The following TNR variants were observed in gnomAD, a reference collection of about 807,000 sequenced individuals.
TNR encodes the protein tenascin R, also known as tenascin-R.
In TNR, 45 loss-of-function variants were observed where a neutral mutation model predicts 150.4. That is an observed-to-expected ratio of 0.30 (90% CI 0.24 to 0.38). The LOEUF is 0.38. Ranked by LOEUF, TNR falls within the 10% of genes least tolerant of loss-of-function variation. The pLI, the probability that TNR is intolerant of heterozygous loss-of-function variation, is 1.00. For missense variants in TNR, 1,544 were observed against 1,759.1 expected (o/e 0.88, Z 2.19); for synonymous variants, 687 against 678.4 (o/e 1.01, Z -0.20).
rs1035058134 is a variant in TNR, at chr1:175,323,106, C to T, written c.*251G>A. The T allele has an allele frequency of 1.6e-5, 6 of 382,562 alleles. No individual in the cohort carries two copies. Among genetic ancestry groups the T allele is most frequent in the Admixed American group, 1.3e-4 (3 of 22,334 alleles). The allele number at this position is 382,562 out of a possible 1,614,324, so 23.7% of individuals were successfully genotyped here. On this transcript the variant is annotated 3_prime_UTR_variant, in exon 23 of 23. Coordinates refer to ENST00000367674, the MANE Select transcript of TNR (RefSeq NM_003285.3). Reference sequence around the variant, plus strand: ...CCTTTAAGAAAACTTCCTACTTCTCCTCCTTGGTGGGAAAGGAGGTGAAGG... The same window carrying T: ...CCTTTAAGAAAACTTCCTACTTCTCTTCCTTGGTGGGAAAGGAGGTGAAGG...
chr1:175,417,075 G>GAAATAAATAAATAAAT (rs1553218323), intron 2 of TNR, among the ~76,000 whole-genome samples: 32 of 138,274 alleles, frequency 2.3e-4, no homozygotes, highest in East Asian at 1.9e-3. Flanking sequence ...AAGAAAGAAA[G>GAAATAAATAAATAAAT]AAATCTAAGA....
At chr1:175,533,087 T>C (rs1660137224) in intron 1 of TNR, among the ~76,000 whole-genome samples, 1 of 152,174 alleles carries the variant, frequency 6.6e-6, no homozygotes, top group African/African-American at 2.4e-5. Context: ...TTGTCAATAA[T>C]GGTAAAGACA....
In TNR at chr1:175,537,553, T is replaced by C. The variant is rs192224999; in HGVS notation, c.-164-9184A>G. The stretch of plus-strand genomic sequence containing the variant: ...GGGACTGACCTGACTGGCCCAGGAA[T>C]CTCTGTCATCTCAGAACAAGTTCAA... On this transcript the variant is annotated intron_variant, in intron 1 of 22. Transcript: ENST00000367674. Among the ~76,000 whole-genome samples the C allele has an allele frequency of 9.4e-4, 143 of 152,300 alleles. 1 individual carries two copies. The highest frequency in any genetic ancestry group is 2.9e-4 in the Non-Finnish European group (20 of 68,024).
intron 20 of TNR, among the ~76,000 whole-genome samples, chr1:175,331,000 T>TCTTC (rs1293937729): frequency 2.0e-4 from 5 of 25,370 alleles, no homozygotes; most frequent in Non-Finnish European, 7.6e-5. Context: ...TCTTGGTGAT[T>TCTTC]CTTTCTTTCT....
chr1:175,420,055 G>A (rs1654683357), intron 2 of TNR, among the ~76,000 whole-genome samples: 1 of 152,168 alleles, frequency 6.6e-6, no homozygotes, highest in Non-Finnish European at 1.5e-5. Context: ...GGCTGGCTGT[G>A]CCCCTTGGCT....
At chr1:175,486,829 G>C (rs754380045) in intron 2 of TNR, among the ~76,000 whole-genome samples, 1 of 152,236 alleles carries the variant, frequency 6.6e-6, no homozygotes, top group Non-Finnish European at 1.5e-5. Flanking sequence ...ACTGGTGTGA[G>C]ATGGTATCTC....
chr1:175,647,779 C>T (rs1046896955), intron 1 of TNR, among the ~76,000 whole-genome samples: 4 of 152,110 alleles, frequency 2.6e-5, no homozygotes, highest in Admixed American at 1.3e-4. Context: ...TGTGGGTCAA[C>T]AATAAGAAGA....
chr1:175,389,937 G>A (rs1194978277), intron 7 of TNR, among the ~76,000 whole-genome samples: 1 of 152,150 alleles, frequency 6.6e-6, no homozygotes, highest in Admixed American at 6.5e-5. Context: ...AGCTTTTTGG[G>A]TGGTAAACTT....
chr1:175,405,455 G>A (rs1428866709), intron 3 of TNR, among the ~76,000 whole-genome samples: 3 of 152,172 alleles, frequency 2.0e-5, no homozygotes, highest in Non-Finnish European at 4.4e-5. Context: ...CTTGCAGAGA[G>A]GTAAAGGTAA....
At chr1:175,384,525 A>G (rs2102029528) in intron 8 of TNR, among the ~76,000 whole-genome samples, 1 of 152,328 alleles carries the variant, frequency 6.6e-6, no homozygotes, top group East Asian at 1.9e-4. Flanking sequence ...CCATTTTGTC[A>G]GTGTCTGTAC....
At chr1:175,684,113 A>G (rs1194573598) in intron 1 of TNR, among the ~76,000 whole-genome samples, 1 of 152,216 alleles carries the variant, frequency 6.6e-6, no homozygotes, top group African/African-American at 2.4e-5. Context: ...GGGTGTGTGC[A>G]TCAGACTGAC....
chr1:175,740,232 G>A (rs1048865590), intron 1 of TNR, among the ~76,000 whole-genome samples: 1 of 152,160 alleles, frequency 6.6e-6, no homozygotes, highest in Non-Finnish European at 1.5e-5. Flanking sequence ...GCAAAATGTA[G>A]CAGCATAAGC....
intron 1 of TNR, among the ~76,000 whole-genome samples, chr1:175,549,241 C>T (rs1660838796): frequency 6.6e-6 from 1 of 152,108 alleles, no homozygotes; most frequent in African/African-American, 2.4e-5. Context: ...TTTTCCTGGG[C>T]CATAACTAAA....
chr1:175,500,338 A>AT (rs1306831998), intron 2 of TNR, among the ~76,000 whole-genome samples: 3 of 151,992 alleles, frequency 2.0e-5, no homozygotes, highest in Admixed American at 2.0e-4. Flanking sequence ...CTCAGTTTCC[A>AT]TTTTTCTTGT....
At position 175,336,818 on chromosome 1, in the gene TNR, G is replaced by T. The variant is rs187631160; in HGVS notation, c.3534+710C>A. Among the ~76,000 whole-genome samples, 4 of 152,328 alleles carry T rather than the reference G, an allele frequency of 2.6e-5. No homozygotes were observed. In the East Asian group the frequency reaches 7.7e-4, roughly 29 times the overall value. On this transcript the variant is annotated intron_variant, in intron 19 of 22. Coordinates refer to ENST00000367674, the MANE Select transcript of TNR (RefSeq NM_003285.3). ...TTCCCAACTGCAATCCTCAATTGGA[G>T]GCTTCTGATCATCTCTCTGTGGTGG...
intron 2 of TNR, among the ~76,000 whole-genome samples, chr1:175,480,624 A>G (rs370306098): frequency 6.6e-6 from 1 of 152,130 alleles, no homozygotes; most frequent in Non-Finnish European, 1.5e-5. Context: ...TTTACATGAC[A>G]TTCATGGCTC....
intron 2 of TNR, among the ~76,000 whole-genome samples, chr1:175,473,754 C>T (rs1571491542): frequency 6.6e-6 from 1 of 152,304 alleles, no homozygotes; most frequent in East Asian, 1.9e-4. Context: ...TATGTGGGAG[C>T]AGCTAACAGA....
intron 1 of TNR, among the ~76,000 whole-genome samples, chr1:175,569,814 T>A (rs1443141923): frequency 1.3e-5 from 2 of 152,168 alleles, no homozygotes; most frequent in Non-Finnish European, 2.9e-5. Flanking sequence ...GCAGGCAGAT[T>A]TACAGGAGAT....
intron 2 of TNR, among the ~76,000 whole-genome samples, chr1:175,488,827 G>T (rs1658122566): frequency 6.6e-6 from 1 of 152,220 alleles, no homozygotes; most frequent in Admixed American, 6.5e-5. Flanking sequence ...GTCCCCGAAG[G>T]GTGGATGGGG....
Sources: gnomAD v4.1 joint callset for allele counts (sites outside exome capture counted in the v4.1 genomes callset) on GRCh38, gnomAD v4.1.1 for gene constraint, MANE v1.5 for transcripts, NCBI Gene and HGNC (gene_info 2026-07-23, HGNC 2026-07-21) for gene names.